Variants in ABCB11 observed in about 807,000 individuals in gnomAD.
ABCB11 encodes the protein bile salt export pump.
A neutral mutation model predicts 148.0 loss-of-function variants in ABCB11; 95 were observed. The observed-to-expected ratio is 0.64, with a 90% confidence interval of 0.54 to 0.76. The LOEUF is 0.76. ABCB11 is among the 30% of genes least tolerant of loss of function. The probability of loss-of-function intolerance (pLI) is 0.00; values close to 1 mark genes in which losing one functional copy is unlikely to be tolerated. For synonymous variants in ABCB11, 591 were observed against 555.4 expected (o/e 1.06, Z -0.90); for missense variants, 1,523 against 1,617.8 (o/e 0.94, Z 1.01).
intron 24 of ABCB11, 124 bp downstream of exon 24, chr2:168,932,253 G>A: frequency 1.3e-6 from 1 of 776,366 alleles, no homozygotes; most frequent in East Asian, 2.9e-5. Flanking sequence ...GTGAGAACAT[G>A]TGGTGTTTGG....
intron 5 of ABCB11, among the ~76,000 whole-genome samples, chr2:168,998,189 T>C (rs1694773243): frequency 6.6e-6 from 1 of 152,026 alleles, no homozygotes; most frequent in South Asian, 2.1e-4. Context: ...TATACATGAG[T>C]CAATTCTCTT....
At chr2:168,994,301 T>C (rs1326474207) in intron 7 of ABCB11, among the ~76,000 whole-genome samples, 2 of 152,106 alleles carry the variant, frequency 1.3e-5, no homozygotes, top group Non-Finnish European at 1.5e-5. Context: ...AAGTAACACC[T>C]TTCTCCCTGT....
intron 18 of ABCB11, among the ~76,000 whole-genome samples, chr2:168,961,048 GCATCCCCAGTGT>G (rs1317173775): frequency 6.6e-6 from 1 of 151,642 alleles, no homozygotes; most frequent in Non-Finnish European, 1.5e-5. Flanking sequence ...GTTCATTTTT[GCATCCCCAGTGT>G]GATACCTGGC....
chr2:169,023,641 CAA>C (rs1695601595), intron 1 of ABCB11, among the ~76,000 whole-genome samples: 1 of 152,172 alleles, frequency 6.6e-6, no homozygotes. Flanking sequence ...ACAAACAAGA[CAA>C]AGTTTCAGAA....
chr2:168,932,202 C>T (rs1020547847), intron 24 of ABCB11, among the ~76,000 whole-genome samples, 175 bp downstream of exon 24: 5 of 152,030 alleles, frequency 3.3e-5, no homozygotes, highest in African/African-American at 1.2e-4. Flanking sequence ...TGTTCCCCAC[C>T]CTGTGTCCAT....
chr2:168,980,957 A>G (rs1694114780), intron 10 of ABCB11, among the ~76,000 whole-genome samples: 1 of 152,156 alleles, frequency 6.6e-6, no homozygotes, highest in African/African-American at 2.4e-5. Flanking sequence ...CAACCAAAGA[A>G]TGGTCCTACT....
At chr2:168,970,394 T>G (rs1234542710) in intron 14 of ABCB11, 179 bp from the exon 15 acceptor site, 1 of 1,482,350 alleles carries the variant, frequency 6.7e-7, no homozygotes, top group Non-Finnish European at 9.1e-7. Flanking sequence ...AATATTTATG[T>G]GTGAAATAAA....
intron 10 of ABCB11, among the ~76,000 whole-genome samples, chr2:168,982,256 G>T (rs1694157400): frequency 6.6e-6 from 1 of 152,108 alleles, no homozygotes; most frequent in Non-Finnish European, 1.5e-5. Context: ...CTCAAAGTCA[G>T]GGAGACCTGA....
Position 168,944,930 on chromosome 2 carries a change from C to T in ABCB11, c.2375G>A (p.Arg792Lys). Reference protein sequence around the residue: ...TFSIPDKEEQRSQINGVCLLF... With the variant: ...TFSIPDKEEQKSQINGVCLLF... ...TAGGCACACACCATTGATCTGTGAC[C>T]TTTGTTCCTCTTTATCAGGAATTGA... The change falls in exon 20 of 28, where the codon AGG becomes AAG. Residue 792 changes from arginine to lysine, a missense_variant. Transcript: ENST00000650372. The T allele has an allele frequency of 1.9e-6, 3 of 1,563,218 alleles. No homozygotes were observed. The highest frequency in any genetic ancestry group is 2.6e-6 in the Non-Finnish European group (3 of 1,152,886).
chr2:168,935,958 T>C (rs1361360742), intron 22 of ABCB11, among the ~76,000 whole-genome samples: 2 of 152,206 alleles, frequency 1.3e-5, no homozygotes, highest in Non-Finnish European at 2.9e-5. Flanking sequence ...CAAATTGGAA[T>C]GTGGAATGAA....
intron 19 of ABCB11, among the ~76,000 whole-genome samples, chr2:168,951,453 T>C (rs1290738194): frequency 6.6e-6 from 1 of 151,626 alleles, no homozygotes; most frequent in Non-Finnish European, 1.5e-5. Flanking sequence ...TGGTCCTCCT[T>C]AGGGAGATCT....
At chr2:168,951,936 A>G (rs1190185444) in intron 19 of ABCB11, among the ~76,000 whole-genome samples, 1 of 151,632 alleles carries the variant, frequency 6.6e-6, no homozygotes, top group Admixed American at 6.6e-5. Context: ...TTTATTGAGA[A>G]TATTTATCAA....
intron 1 of ABCB11, among the ~76,000 whole-genome samples, chr2:169,026,623 C>T (rs1221936667): frequency 6.6e-6 from 1 of 152,066 alleles, no homozygotes; most frequent in East Asian, 1.9e-4. Flanking sequence ...AGATGAATTG[C>T]CATGTATCAT....
rs769536719 is a variant in ABCB11 at position 168,964,211 on chromosome 2, T to C, written c.2173A>G (p.Arg725Gly). ...VDHKSTYEEDRKDKDIPVQEE... is the reference protein window; with the variant it reads ...VDHKSTYEEDGKDKDIPVQEE... ...ATAAGCAGTTGGTGCCTGACCTTTC[T>C]ATCTTCTTCATAGGTAGACTTATGA... Residue 725 changes from arginine (R) to glycine (G), a missense_variant, in exon 18 of 28, where the codon AGA (arginine) becomes GGA (glycine). Coordinates refer to ENST00000650372, the MANE Select transcript of ABCB11 (RefSeq NM_003742.4). 9.0e-6 allele frequency: 14 copies of C among 1,554,020 alleles called. No homozygotes were observed. The highest frequency in any genetic ancestry group is 1.0e-5 in the Non-Finnish European group (12 of 1,147,022).
chr2:168,980,464 A>G (rs1053062774), intron 10 of ABCB11, among the ~76,000 whole-genome samples: 1 of 152,208 alleles, frequency 6.6e-6, no homozygotes, highest in African/African-American at 2.4e-5. Context: ...CTACTATTCC[A>G]GTAGTCACTG....
chr2:169,020,352 A>C (rs1041670555), intron 1 of ABCB11, among the ~76,000 whole-genome samples: 12 of 152,174 alleles, frequency 7.9e-5, no homozygotes, highest in Admixed American at 7.9e-4. Context: ...TGAAAATTTT[A>C]AGAAAAAGCA....
chr2:168,976,518 G>T, intron 12 of ABCB11, 59 bp downstream of exon 12: 2 of 1,022,504 alleles, frequency 2.0e-6, no homozygotes, highest in Non-Finnish European at 2.8e-6. Flanking sequence ...TTGTGGTTAT[G>T]CAAATAAATC....
At chr2:169,009,271 A>G (rs969207147) in intron 5 of ABCB11, among the ~76,000 whole-genome samples, 1 of 152,140 alleles carries the variant, frequency 6.6e-6, no homozygotes, top group African/African-American at 2.4e-5. Context: ...ATAAGGATAC[A>G]TGCACACGTA....
At chr2:168,978,427 T>C (rs978613415) in intron 11 of ABCB11, among the ~76,000 whole-genome samples, 11 of 152,062 alleles carry the variant, frequency 7.2e-5, no homozygotes, top group Admixed American at 5.2e-4. Flanking sequence ...TGAGCCACCA[T>C]GCCTGGCCAT....
Sources: allele counts gnomAD v4.1 joint callset (sites outside exome capture counted in the v4.1 genomes callset), GRCh38; gene constraint gnomAD v4.1.1; transcripts MANE v1.5; gene names NCBI Gene and HGNC (gene_info 2026-07-23, HGNC 2026-07-21).